Variants in DLGAP1 observed in about 807,000 individuals in gnomAD.
DLGAP1 encodes the protein disks large-associated protein 1.
Under a neutral mutation model 90.8 loss-of-function variants are expected in DLGAP1, and 11 were observed. The observed-to-expected ratio is 0.12, with a 90% CI of 0.08 to 0.20. DLGAP1 has a LOEUF of 0.20. Among genes scored for constraint, DLGAP1 ranks in the 10% least tolerant of loss-of-function variants. DLGAP1 has a pLI of 1.00. For synonymous variants in DLGAP1, 558 were observed against 540.7 expected (o/e 1.03, Z -0.44); for missense variants, 1,050 against 1,333.8 (o/e 0.79, Z 3.31).
chr18:3,759,841 G>A (rs1598622227), intron 5 of DLGAP1, among the ~76,000 whole-genome samples: 1 of 152,246 alleles, frequency 6.6e-6, no homozygotes, highest in Non-Finnish European at 1.5e-5. Context: ...TACACCTTGA[G>A]TGGTAAGACT....
intron 1 of DLGAP1, among the ~76,000 whole-genome samples, chr18:4,244,467 C>T (rs941575615): frequency 1.3e-5 from 2 of 152,106 alleles, no homozygotes; most frequent in African/African-American, 2.4e-5. Context: ...CACCTATTTA[C>T]TCTTATAGAA....
chr18:4,343,073 C>T (rs888254044), intron 1 of DLGAP1, among the ~76,000 whole-genome samples: 7 of 151,686 alleles, frequency 4.6e-5, no homozygotes, highest in South Asian at 4.2e-4. Context: ...TTTGGGAGGC[C>T]GAGGCAGGCG....
chr18:4,165,533 A>G (rs953528574), intron 1 of DLGAP1, among the ~76,000 whole-genome samples: 2 of 152,220 alleles, frequency 1.3e-5, no homozygotes, highest in African/African-American at 4.8e-5. Flanking sequence ...AAAGAAAAAC[A>G]GGAACAAGTA....
chr18:4,282,695 T>G (rs982611073), intron 1 of DLGAP1, among the ~76,000 whole-genome samples: 16 of 152,196 alleles, frequency 1.1e-4, no homozygotes, highest in Non-Finnish European at 2.2e-4. Flanking sequence ...CTTGCTAAAT[T>G]TATGCACATA....
chr18:4,094,040 CATT>C (rs1230474407), intron 2 of DLGAP1, among the ~76,000 whole-genome samples: 2 of 152,148 alleles, frequency 1.3e-5, no homozygotes, highest in Non-Finnish European at 2.9e-5. Flanking sequence ...GTTCTGACAT[CATT>C]GTTGTTAGGA....
intron 7 of DLGAP1, among the ~76,000 whole-genome samples, chr18:3,726,292 C>A (rs2062174862): frequency 6.6e-6 from 1 of 152,014 alleles, no homozygotes; most frequent in African/African-American, 2.4e-5. Context: ...TGTATTCTTT[C>A]AAAAATTATT....
chr18:3,544,450 T>C (rs1002216602), intron 9 of DLGAP1, among the ~76,000 whole-genome samples: 6 of 152,178 alleles, frequency 3.9e-5, no homozygotes, highest in Admixed American at 1.3e-4. Context: ...TCATGCCCTA[T>C]AAGAAAGGTT....
intron 1 of DLGAP1, among the ~76,000 whole-genome samples, chr18:4,334,790 T>C (rs886264918): frequency 6.6e-6 from 1 of 151,902 alleles, no homozygotes; most frequent in Admixed American, 6.6e-5. Flanking sequence ...TTAAGAATGA[T>C]TTTAAATAGA....
At chr18:3,874,598 A>T (rs2070945463) in intron 4 of DLGAP1, 1 of 1,516,870 alleles carries the variant, frequency 6.6e-7, no homozygotes, top group East Asian at 2.5e-5. Flanking sequence ...TATTTATTTA[A>T]CTATTAAGCA....
At chr18:3,510,918 A>G (rs896686094) in intron 10 of DLGAP1, among the ~76,000 whole-genome samples, 1 of 152,260 alleles carries the variant, frequency 6.6e-6, no homozygotes, top group African/African-American at 2.4e-5. Flanking sequence ...AGTTGGGGCT[A>G]AGTCAGATGT....
chr18:4,158,302 G>A (rs1339591027), intron 1 of DLGAP1, among the ~76,000 whole-genome samples: 1 of 152,082 alleles, frequency 6.6e-6, no homozygotes, highest in Non-Finnish European at 1.5e-5. Context: ...GGAATAACAT[G>A]AAATATCAAA....
intron 3 of DLGAP1, among the ~76,000 whole-genome samples, chr18:3,950,720 C>T (rs903988315): frequency 3.9e-5 from 6 of 152,198 alleles, no homozygotes; most frequent in Non-Finnish European, 7.3e-5. Flanking sequence ...CTTTTCTGAA[C>T]GCTGCTTCCA....
chr18:4,259,117 T>C (rs1162954315), intron 1 of DLGAP1, among the ~76,000 whole-genome samples: 1 of 152,188 alleles, frequency 6.6e-6, no homozygotes, highest in Non-Finnish European at 1.5e-5. Context: ...CATAAATGGA[T>C]TGAAGCACTC....
chr18:3,918,457 G>T (rs1173594978), intron 3 of DLGAP1, among the ~76,000 whole-genome samples: 1 of 152,138 alleles, frequency 6.6e-6, no homozygotes, highest in African/African-American at 2.4e-5. Flanking sequence ...ACATATAAAA[G>T]TTAGGTGAGA....
rs561216956 is a variant in DLGAP1, at chr18:4,024,806, G to A, written c.-158-19605C>T. On this transcript the variant is annotated intron_variant, in intron 2 of 12. Coordinates refer to ENST00000315677, the MANE Select transcript of DLGAP1 (RefSeq NM_004746.4). ...CTTAGAGGTGGGAGTGACTTCTAAG[G>A]AGCATGGACTTTACCTGGGAAGGTG... Among the ~76,000 whole-genome samples, 21 of 152,324 alleles carry A rather than the reference G, an allele frequency of 1.4e-4. No individual in the cohort carries two copies. In the East Asian group the frequency reaches 3.7e-3, roughly 27 times the overall value.
chr18:3,828,736 C>T (rs911804258), intron 4 of DLGAP1, among the ~76,000 whole-genome samples: 3 of 138,880 alleles, frequency 2.2e-5, no homozygotes, highest in Non-Finnish European at 4.6e-5. Flanking sequence ...TTATAATTTA[C>T]ATAGTATTCA....
At position 3,811,094 on chromosome 18, in the gene DLGAP1, C is replaced by T. The variant is rs562717299; in HGVS notation, c.1172+2965G>A. On this transcript the variant is annotated intron_variant, in intron 5 of 12. Transcript: ENST00000315677. ...GTGCTGGGATTACAGGTGTAAGCCA[C>T]CGTGCCAGGCCAATCTGGTTAAACT... Among the ~76,000 whole-genome samples the T allele has an allele frequency of 1.4e-4, 21 of 152,286 alleles. No homozygotes were observed. In the South Asian group the frequency reaches 1.4e-3, roughly 11 times the overall value.
intron 1 of DLGAP1, among the ~76,000 whole-genome samples, chr18:4,352,891 T>C (rs16946559): frequency 0.011 from 1,734 of 152,274 alleles, 31 homozygotes; most frequent in African/African-American, 0.039. Flanking sequence ...TTGTAACTTG[T>C]GGAGCACTGA....
At chr18:3,805,542 A>G (rs1409962300) in intron 5 of DLGAP1, among the ~76,000 whole-genome samples, 1 of 152,228 alleles carries the variant, frequency 6.6e-6, no homozygotes, top group Non-Finnish European at 1.5e-5. Flanking sequence ...CTGTATTTAA[A>G]AAATGGTCAT....
Sources: allele counts gnomAD v4.1 joint callset (sites outside exome capture counted in the v4.1 genomes callset), GRCh38; gene constraint gnomAD v4.1.1; transcripts MANE v1.5; gene names NCBI Gene and HGNC (gene_info 2026-07-23, HGNC 2026-07-21).